PLCE1: variants seen among roughly 807,000 people sequenced by gnomAD.
The protein encoded by PLCE1 is 1-phosphatidylinositol 4,5-bisphosphate phosphodiesterase epsilon-1.
PLCE1 carries 119 observed loss-of-function variants against 242.8 expected under a neutral mutation model. The ratio of observed to expected loss-of-function variants is 0.49; its 90% CI spans 0.42 to 0.57. PLCE1 has a LOEUF of 0.57. Among genes scored for constraint, PLCE1 ranks in the 20% least tolerant of loss-of-function variants. The pLI, the probability that PLCE1 is intolerant of heterozygous loss-of-function variation, is 0.00. For synonymous variants in PLCE1, 945 were observed against 1,017.4 expected, an observed-to-expected ratio of 0.93 and a Z score of 1.35; for missense variants, 2,441 against 2,788.8, an observed-to-expected ratio of 0.88 and a Z score of 2.81.
rs147589235 is a variant in PLCE1, at chr10:94,326,755, G to C, written c.*25-1213G>C. 4.5e-3 allele frequency among the ~76,000 whole-genome samples: 692 copies of C among 152,298 alleles called. 3 individuals are homozygous for C. Among genetic ancestry groups the C allele is most frequent in the Non-Finnish European group, 7.0e-3 (476 of 68,022 alleles). ...TGCCTTTAGATTCTATTGTCCTGTA[G>C]CAAGTAGATATTTATTTTTTCTGAC... is the stretch of plus-strand genomic sequence containing the variant. On this transcript the variant is annotated intron_variant, in intron 32 of 32. Transcript: ENST00000371380.
intron 2 of PLCE1, chr10:94,089,438 T>A: frequency 7.3e-7 from 1 of 1,364,234 alleles, no homozygotes; most frequent in Non-Finnish European, 1.0e-6. Context: ...TCCTGGGGAC[T>A]GTTTCTTTAC....
chr10:94,091,592 A>G (rs1260959417), intron 2 of PLCE1, among the ~76,000 whole-genome samples: 3 of 152,186 alleles, frequency 2.0e-5, no homozygotes, highest in Admixed American at 1.3e-4. Context: ...AAAGAAAAAA[A>G]GACTGTTGAG....
intron 16 of PLCE1, among the ~76,000 whole-genome samples, chr10:94,267,913 T>C (rs552659600): frequency 1.3e-5 from 2 of 152,344 alleles, no homozygotes; most frequent in South Asian, 4.1e-4. Context: ...TATCTGAGCT[T>C]AGTTGCAGAA....
intron 27 of PLCE1, 85 bp from the exon 28 acceptor site, chr10:94,313,169 T>C: frequency 6.6e-7 from 1 of 1,521,598 alleles, no homozygotes; most frequent in South Asian, 1.1e-5. Context: ...TATCCGTACT[T>C]CTAAGTACTA....
chr10:94,142,627 G>C (rs2047005439), intron 3 of PLCE1, among the ~76,000 whole-genome samples: 1 of 152,236 alleles, frequency 6.6e-6, no homozygotes, highest in African/African-American at 2.4e-5. Context: ...TGGGGCTGAT[G>C]ATGGTGATGA....
intron 4 of PLCE1, among the ~76,000 whole-genome samples, chr10:94,204,631 C>T (rs2949004): frequency 0.27 from 40,608 of 151,594 alleles, 6,787 homozygotes; most frequent in Non-Finnish European, 0.38. Context: ...CACGCCACTG[C>T]ACTTCAGCCT....
In PLCE1 at chr10:94,329,714, G is replaced by C. The variant is rs1457004403; in HGVS notation, c.*1771G>C. 7.0e-6 allele frequency: 1 copy of C among 143,086 alleles called. No individual in the cohort carries two copies. The highest frequency in any genetic ancestry group is 2.6e-5 in the African/African-American group (1 of 39,096). 8.9% of individuals were successfully genotyped at this position (143,086 alleles called of 1,614,324 possible). ...AATCACTTGAACCTGGGAGGTGGAG[G>C]CTGCAGTGAGCCAAGATCGCACCAC... On this transcript the variant is annotated 3_prime_UTR_variant, in exon 33 of 33. Coordinates refer to ENST00000371380, the MANE Select transcript of PLCE1 (RefSeq NM_016341.4).
intron 5 of PLCE1, among the ~76,000 whole-genome samples, chr10:94,233,312 G>C (rs1182461521): frequency 6.6e-6 from 1 of 152,182 alleles, no homozygotes; most frequent in Non-Finnish European, 1.5e-5. Flanking sequence ...CTACAGAAGA[G>C]GTGAAAACAA....
At chr10:94,164,805 G>A (rs2047737074) in intron 3 of PLCE1, among the ~76,000 whole-genome samples, 1 of 152,174 alleles carries the variant, frequency 6.6e-6, no homozygotes, top group East Asian at 1.9e-4. Flanking sequence ...ACGTACAGAT[G>A]GGGTTTTGAT....
intron 21 of PLCE1, among the ~76,000 whole-genome samples, chr10:94,284,391 C>T (rs1382020286): frequency 1.3e-5 from 2 of 152,102 alleles, no homozygotes; most frequent in African/African-American, 2.4e-5. Context: ...AGAAGATAAA[C>T]GGGCCAGATA....
intron 4 of PLCE1, among the ~76,000 whole-genome samples, chr10:94,200,077 AT>A (rs959789656): frequency 8.6e-4 from 131 of 152,356 alleles, no homozygotes; most frequent in African/African-American, 3.0e-3. Context: ...TGTTACAAAG[AT>A]GGTTACATAT....
At chr10:94,314,365 C>T (rs1271702893) in intron 28 of PLCE1, among the ~76,000 whole-genome samples, 5 of 152,070 alleles carry the variant, frequency 3.3e-5, no homozygotes, top group Admixed American at 6.6e-5. Context: ...TTTGGGAGGC[C>T]GAGGCAGGCG....
At chr10:94,181,242 G>A (rs185957352) in intron 4 of PLCE1, among the ~76,000 whole-genome samples, 15 of 152,258 alleles carry the variant, frequency 9.9e-5, no homozygotes, top group East Asian at 3.9e-4. Context: ...TTCTGCCTCC[G>A]TGGATGCAAG....
chr10:94,275,454 T>G (rs1272263934), intron 19 of PLCE1, among the ~76,000 whole-genome samples: 1 of 152,170 alleles, frequency 6.6e-6, no homozygotes, highest in Non-Finnish European at 1.5e-5. Context: ...TTCTAGGTAG[T>G]ATATTACAGC....
intron 5 of PLCE1, among the ~76,000 whole-genome samples, chr10:94,229,610 T>C (rs756906324): frequency 4.6e-5 from 7 of 152,216 alleles, no homozygotes; most frequent in Non-Finnish European, 1.0e-4. Context: ...ATGTTCTAGA[T>C]TCTCTTATTA....
chr10:94,085,677 A>G (rs1252925039), intron 2 of PLCE1, among the ~76,000 whole-genome samples: 2 of 152,204 alleles, frequency 1.3e-5, no homozygotes, highest in East Asian at 3.9e-4. Context: ...AGCCCATCTG[A>G]CCATGAGTCC....
At chr10:94,124,825 A>C (rs183419304) in intron 2 of PLCE1, among the ~76,000 whole-genome samples, 136 of 152,364 alleles carry the variant, frequency 8.9e-4, no homozygotes, top group African/African-American at 3.1e-3. Context: ...CCCATCAGCA[A>C]ATGATAATGA....
intron 4 of PLCE1, among the ~76,000 whole-genome samples, chr10:94,202,427 C>G (rs568435326): frequency 6.6e-6 from 1 of 152,076 alleles, no homozygotes; most frequent in East Asian, 1.9e-4. Flanking sequence ...ACATTCAGAC[C>G]CAGATCATTG....
chr10:94,302,642 G>T (rs35658839), intron 24 of PLCE1, among the ~76,000 whole-genome samples: 24,735 of 152,090 alleles, frequency 0.16, 2,201 homozygotes, highest in Middle Eastern at 0.28. Flanking sequence ...GGAACAATGG[G>T]TGAGGCCATC....
Sources: allele counts gnomAD v4.1 joint callset (sites outside exome capture counted in the v4.1 genomes callset), GRCh38; gene constraint gnomAD v4.1.1; transcripts MANE v1.5; gene names NCBI Gene and HGNC (gene_info 2026-07-23, HGNC 2026-07-21).